The following ADAMTS16 variants were observed in gnomAD, a reference collection of about 807,000 sequenced individuals.
ADAMTS16 encodes ADAM metallopeptidase with thrombospondin type 1 motif 16.
In ADAMTS16, 94 loss-of-function variants were observed where a neutral mutation model predicts 145.8. That is an observed-to-expected ratio of 0.64 (90% confidence interval 0.55 to 0.77). The LOEUF is 0.77. ADAMTS16 is among the 30% of genes least tolerant of loss of function. The pLI is 0.00. For synonymous variants in ADAMTS16, 659 were observed against 604.3 expected (o/e 1.09, Z -1.33); for missense variants, 1,585 against 1,591.5 (o/e 1.00, Z 0.07).
chr5:5,241,726 A>C (rs1390018514), intron 16 of ADAMTS16, among the ~76,000 whole-genome samples: 1 of 152,196 alleles, frequency 6.6e-6, no homozygotes, highest in Non-Finnish European at 1.5e-5. Context: ...TATACCCCCA[A>C]AATATGTGTA....
intron 10 of ADAMTS16, among the ~76,000 whole-genome samples, chr5:5,216,746 T>G (rs1736451307): frequency 8.6e-6 from 1 of 115,976 alleles, no homozygotes; most frequent in South Asian, 3.3e-4. Context: ...CCCGATGCTA[T>G]CCCTCCCCCC....
intron 9 of ADAMTS16, among the ~76,000 whole-genome samples, chr5:5,206,049 A>G (rs1003567563): frequency 1.3e-5 from 2 of 152,062 alleles, no homozygotes; most frequent in African/African-American, 4.8e-5. Context: ...ATTTTCTCCT[A>G]TGTTATTTTC....
At chr5:5,255,632 C>T (rs924583565) in intron 17 of ADAMTS16, among the ~76,000 whole-genome samples, 18 of 152,218 alleles carry the variant, frequency 1.2e-4, no homozygotes, top group Admixed American at 1.0e-3. Context: ...TTCCAAATCT[C>T]ATGCTAGTGC....
chr5:5,299,972 G>A (rs28398341), intron 18 of ADAMTS16, among the ~76,000 whole-genome samples: 1,969 of 152,226 alleles, frequency 0.013, 44 homozygotes, highest in African/African-American at 0.045. Flanking sequence ...CCTAAAGCTC[G>A]GTTTTTTAAA....
At chr5:5,272,616 C>T (rs942070794) in intron 18 of ADAMTS16, among the ~76,000 whole-genome samples, 10 of 152,154 alleles carry the variant, frequency 6.6e-5, no homozygotes, top group African/African-American at 2.4e-4. Flanking sequence ...CCGCCTGCCT[C>T]GGCCTCCCAA....
At position 5,268,069 on chromosome 5, in the gene ADAMTS16, G is replaced by T. The variant is rs894105935; in HGVS notation, c.2789+5286G>T. ...ACCTCTTTATGCCTCAGTTTGCCTG[G>T]CTGTGAGATGACAAAAAGAAAATGT... On this transcript the variant is annotated intron_variant, in intron 18 of 22. Coordinates refer to ENST00000274181, the MANE Select transcript of ADAMTS16 (RefSeq NM_139056.4). Among the ~76,000 whole-genome samples the T allele has an allele frequency of 5.3e-5, 8 of 152,156 alleles. No individual in the cohort carries two copies. The South Asian group carries it at 6.2e-4, about 12-fold the overall frequency.
At chr5:5,307,830 G>A (rs1740243532) in intron 21 of ADAMTS16, among the ~76,000 whole-genome samples, 1 of 152,180 alleles carries the variant, frequency 6.6e-6, no homozygotes, top group Non-Finnish European at 1.5e-5. Flanking sequence ...TGGCTTTGGA[G>A]AATAGTCACT....
chr5:5,245,556 G>A (rs116820284), intron 17 of ADAMTS16, among the ~76,000 whole-genome samples: 4,892 of 152,178 alleles, frequency 0.032, 125 homozygotes, highest in Middle Eastern at 0.048. Context: ...AATTTGAAAC[G>A]TTTAAATCAT....
intron 9 of ADAMTS16, 71 bp downstream of exon 9, chr5:5,200,340 C>T: frequency 1.3e-6 from 2 of 1,582,876 alleles, no homozygotes; most frequent in South Asian, 1.2e-5. Context: ...CAGCCAGATC[C>T]TGTGCAAGCA....
intron 3 of ADAMTS16, among the ~76,000 whole-genome samples, chr5:5,171,195 C>T (rs779773494): frequency 6.6e-6 from 1 of 151,854 alleles, no homozygotes; most frequent in African/African-American, 2.4e-5. Flanking sequence ...TTTTTCAAAT[C>T]TAAGATTATT....
intron 14 of ADAMTS16, 64 bp from the exon 15 acceptor site, chr5:5,239,087 G>A: frequency 7.2e-7 from 1 of 1,386,760 alleles, no homozygotes; most frequent in South Asian, 2.0e-5. Context: ...GCATGAGATT[G>A]GTGACAGTAT....
chr5:5,204,911 C>T (rs1266016856), intron 9 of ADAMTS16, among the ~76,000 whole-genome samples: 1 of 152,178 alleles, frequency 6.6e-6, no homozygotes, highest in Non-Finnish European at 1.5e-5. Flanking sequence ...GTTTCAAATC[C>T]TTCCCAACAC....
At chr5:5,279,005 A>C (rs1278310712) in intron 18 of ADAMTS16, among the ~76,000 whole-genome samples, 1 of 152,174 alleles carries the variant, frequency 6.6e-6, no homozygotes, top group Non-Finnish European at 1.5e-5. Context: ...CTGAATAGAA[A>C]GTGCCATTTG....
At chr5:5,250,224 C>T (rs1737579572) in intron 17 of ADAMTS16, among the ~76,000 whole-genome samples, 1 of 152,122 alleles carries the variant, frequency 6.6e-6, no homozygotes, top group South Asian at 2.1e-4. Flanking sequence ...CATCTTCTAC[C>T]CAGTATTTCC....
intron 21 of ADAMTS16, among the ~76,000 whole-genome samples, chr5:5,308,188 AT>A (rs1740263913): frequency 6.6e-6 from 1 of 152,022 alleles, no homozygotes; most frequent in Non-Finnish European, 1.5e-5. Context: ...CCAGCATCTG[AT>A]TCCAGAGGCC....
chr5:5,308,460 C>T (rs185714025), intron 21 of ADAMTS16, among the ~76,000 whole-genome samples: 14 of 152,178 alleles, frequency 9.2e-5, no homozygotes, highest in Non-Finnish European at 1.9e-4. Flanking sequence ...GGTCCCCCTG[C>T]ACTGTACCAG....
chr5:5,250,447 T>C (rs1357376268), intron 17 of ADAMTS16, among the ~76,000 whole-genome samples: 3 of 152,174 alleles, frequency 2.0e-5, no homozygotes, highest in African/African-American at 4.8e-5. Flanking sequence ...TCTGATCTCA[T>C]GTGTTTCCCA....
Position 5,196,234 on chromosome 5 carries a change from T to C in ADAMTS16, c.1314-3898T>C, listed in dbSNP as rs562639987. On this transcript the variant is annotated intron_variant, in intron 8 of 22. Transcript: ENST00000274181. ...GCCTGGGCAACAGAGAGAGCCTCCA[T>C]CTCAAAAAAAAAAAAAAAAAAAGCA... Among the ~76,000 whole-genome samples, 8 of 35,544 alleles carry C rather than the reference T, an allele frequency of 2.3e-4. No homozygotes were observed. In the East Asian group the frequency reaches 4.2e-3, roughly 19 times the overall value. The allele number at this position is 35,544 out of a possible 152,430, so 23.3% of individuals were successfully genotyped here.
chr5:5,274,695 T>C (rs1162719564), intron 18 of ADAMTS16, among the ~76,000 whole-genome samples: 1 of 149,200 alleles, frequency 6.7e-6, no homozygotes, highest in African/African-American at 2.5e-5. Flanking sequence ...CATATATACA[T>C]ATATATACAC....
Sources: allele counts gnomAD v4.1 joint callset (sites outside exome capture counted in the v4.1 genomes callset), GRCh38; gene constraint gnomAD v4.1.1; transcripts MANE v1.5; gene names NCBI Gene and HGNC (gene_info 2026-07-23, HGNC 2026-07-21).